Variants in ADAMTSL1 observed in about 807,000 individuals in gnomAD.
ADAMTSL1 encodes ADAMTS-like protein 1.
In ADAMTSL1, 126 loss-of-function variants were observed where a neutral mutation model predicts 201.8. That is an observed-to-expected ratio of 0.62 (90% CI 0.54 to 0.72). The LOEUF (loss-of-function observed/expected upper bound fraction) is 0.72, where lower values mean the gene tolerates loss of function less well. ADAMTSL1 is among the 30% of genes least tolerant of loss of function. The pLI, the probability that ADAMTSL1 is intolerant of heterozygous loss-of-function variation, is 0.00. For missense variants in ADAMTSL1, 2,679 were observed against 2,277.8 expected, an observed-to-expected ratio of 1.18 and a Z score of -3.59; for synonymous variants, 1,121 against 903.4, an observed-to-expected ratio of 1.24 and a Z score of -4.32.
At chr9:18,599,996 CAAAAAAAAAAAA>C (rs57914274) in intron 4 of ADAMTSL1, among the ~76,000 whole-genome samples, 4 of 86,950 alleles carry the variant, frequency 4.6e-5, no homozygotes, top group East Asian at 3.6e-4. Flanking sequence ...ACTAAAAATA[CAAAAAAAAAAAA>C]AAAAAAAAAA....
At chr9:18,670,260 G>T (rs555573567) in intron 9 of ADAMTSL1, among the ~76,000 whole-genome samples, 2 of 152,344 alleles carry the variant, frequency 1.3e-5, no homozygotes, top group South Asian at 2.1e-4. Context: ...GTCCAGGGCA[G>T]GTTGAGTTGT....
chr9:18,479,206 C>T (rs1444234242), intron 1 of ADAMTSL1, among the ~76,000 whole-genome samples: 1 of 152,170 alleles, frequency 6.6e-6, no homozygotes, highest in East Asian at 1.9e-4. Context: ...TCTGTTTTGC[C>T]TCTCAGGGAC....
At chr9:18,264,770 A>T (rs1240124939) in intron 2 of ADAMTSL1, among the ~76,000 whole-genome samples, 1 of 152,196 alleles carries the variant, frequency 6.6e-6, no homozygotes, top group Non-Finnish European at 1.5e-5. Context: ...TAAATTTTTA[A>T]AACATCTCTG....
At chr9:18,132,203 C>G (rs950708282) in intron 1 of ADAMTSL1, among the ~76,000 whole-genome samples, 2 of 152,142 alleles carry the variant, frequency 1.3e-5, no homozygotes, top group Non-Finnish European at 2.9e-5. Flanking sequence ...GAAAAAAGGC[C>G]TGAGTCCACA....
intron 1 of ADAMTSL1, among the ~76,000 whole-genome samples, chr9:18,018,369 C>A (rs1187185304): frequency 6.6e-6 from 1 of 152,110 alleles, no homozygotes; most frequent in African/African-American, 2.4e-5. Flanking sequence ...TTGCCTCTGG[C>A]ATTCATGCCC....
chr9:18,861,002 T>G (rs1303186722), intron 23 of ADAMTSL1, among the ~76,000 whole-genome samples: 1 of 152,180 alleles, frequency 6.6e-6, no homozygotes, highest in African/African-American at 2.4e-5. Flanking sequence ...TATGCAGAGA[T>G]CACATACACA....
intron 16 of ADAMTSL1, among the ~76,000 whole-genome samples, chr9:18,766,024 C>T (rs756726481): frequency 8.6e-5 from 13 of 151,782 alleles, no homozygotes; most frequent in Non-Finnish European, 1.9e-4. Flanking sequence ...GTGGGAGAAA[C>T]AAGCTTGACA....
At position 18,795,415 on chromosome 9, in the gene ADAMTSL1, T is replaced by A. The variant is rs573346146; in HGVS notation, c.3696T>A (p.Asp1232Glu). Residue 1232 changes from aspartate to glutamate, a missense_variant, in exon 20 of 29, where the codon GAT becomes GAA. Transcript: ENST00000380548. Reference sequence around the variant, plus strand: ...GCTCCAGGATTCTTCTACAGCCAGATGATTCCTTACAGATCTTGGCACCAG... The same window carrying A: ...GCTCCAGGATTCTTCTACAGCCAGAAGATTCCTTACAGATCTTGGCACCAG... ...QFSDRILLQP[D>E]DSLQILAPVE... is the part of the protein sequence containing the mutation. The A allele has an allele frequency of 1.2e-6, 2 of 1,613,814 alleles. No individual in the cohort carries two copies. Among genetic ancestry groups the A allele is most frequent in the Admixed American group, 1.7e-5 (1 of 59,988 alleles).
intron 1 of ADAMTSL1, among the ~76,000 whole-genome samples, chr9:18,490,799 T>C (rs1275012537): frequency 6.6e-6 from 1 of 152,154 alleles, no homozygotes; most frequent in East Asian, 1.9e-4. Context: ...AATTACAGGA[T>C]GCTGATGAAT....
At chr9:18,627,345 C>T (rs1216998551) in intron 5 of ADAMTSL1, among the ~76,000 whole-genome samples, 1 of 152,138 alleles carries the variant, frequency 6.6e-6, no homozygotes, top group African/African-American at 2.4e-5. Context: ...TTTTTATTTG[C>T]ATTTTCCTAA....
At chr9:18,825,277 C>T (rs767794583) in intron 21 of ADAMTSL1, among the ~76,000 whole-genome samples, 1 of 152,130 alleles carries the variant, frequency 6.6e-6, no homozygotes, top group Non-Finnish European at 1.5e-5. Flanking sequence ...TTCATGGGGT[C>T]CCTAGAGCAC....
In ADAMTSL1 at chr9:18,185,855, T is replaced by C. The variant is rs530571322; in HGVS notation, c.207+21874T>C. 1.2e-3 allele frequency among the ~76,000 whole-genome samples: 10 copies of C among 8,606 alleles called. No individual in the cohort carries two copies. In the East Asian group the frequency reaches 0.35, roughly 301 times the overall value. 5.6% of individuals were successfully genotyped at this position (8,606 alleles called of 152,430 possible). On this transcript the variant is annotated intron_variant, in intron 2 of 29. Coordinates refer to the ADAMTSL1 transcript ENST00000680146. ...GAAGGTAGAGATCTATGTAATACAA[T>C]TGGGAAAAAAGTTTCACAATTATTG...
At chr9:18,082,317 A>G (rs955078208) in intron 1 of ADAMTSL1, among the ~76,000 whole-genome samples, 5 of 152,172 alleles carry the variant, frequency 3.3e-5, no homozygotes, top group African/African-American at 4.8e-5. Context: ...GCTGACCTAG[A>G]TAGATTAAAC....
chr9:18,678,741 A>G (rs924175286), intron 10 of ADAMTSL1, among the ~76,000 whole-genome samples: 1 of 152,166 alleles, frequency 6.6e-6, no homozygotes, highest in Admixed American at 6.5e-5. Context: ...GTCAGATCAA[A>G]TCTAATGTGA....
At chr9:18,343,812 C>T (rs1835577306) in intron 2 of ADAMTSL1, among the ~76,000 whole-genome samples, 1 of 152,056 alleles carries the variant, frequency 6.6e-6, no homozygotes, top group Admixed American at 6.6e-5. Context: ...TTAAAGAATT[C>T]CATTTATTGA....
At chr9:18,117,461 A>C (rs1379070223) in intron 1 of ADAMTSL1, among the ~76,000 whole-genome samples, 2 of 152,038 alleles carry the variant, frequency 1.3e-5, no homozygotes, top group Non-Finnish European at 2.9e-5. Flanking sequence ...CAAGGACTGG[A>C]GAGCTCTTCC....
intron 3 of ADAMTSL1, among the ~76,000 whole-genome samples, chr9:18,571,475 T>A (rs2132342855): frequency 6.6e-6 from 1 of 152,362 alleles, no homozygotes; most frequent in East Asian, 1.9e-4. Flanking sequence ...GTACTTGTAC[T>A]GAGTAATCAA....
At chr9:18,499,085 TTTCTC>T (rs1399715422) in intron 1 of ADAMTSL1, among the ~76,000 whole-genome samples, 1 of 152,228 alleles carries the variant, frequency 6.6e-6, no homozygotes, top group African/African-American at 2.4e-5. Context: ...AGAATTGACT[TTTCTC>T]TTCAGTAGCA....
At chr9:18,495,954 AT>A (rs1336716342) in intron 1 of ADAMTSL1, among the ~76,000 whole-genome samples, 1 of 152,182 alleles carries the variant, frequency 6.6e-6, no homozygotes, top group Non-Finnish European at 1.5e-5. Flanking sequence ...AATAAAACGT[AT>A]TTCCAGGCAT....
Sources: gnomAD v4.1 joint callset for allele counts (sites outside exome capture counted in the v4.1 genomes callset) on GRCh38, gnomAD v4.1.1 for gene constraint, MANE v1.5 for transcripts, NCBI Gene and HGNC (gene_info 2026-07-23, HGNC 2026-07-21) for gene names.